Variants in DNAJC16 observed in about 807,000 individuals in gnomAD.
DNAJC16 encodes DnaJ heat shock protein family (Hsp40) member C16.
A neutral mutation model predicts 92.7 loss-of-function variants in DNAJC16; 76 were observed. The ratio of observed to expected loss-of-function variants is 0.82; its 90% CI spans 0.68 to 0.99. The LOEUF is 0.99. Ranked by LOEUF, DNAJC16 falls within the 50% of genes least tolerant of loss-of-function variation. The pLI is 0.00. For missense variants in DNAJC16, 869 were observed against 942.4 expected (o/e 0.92, Z 1.02); for synonymous variants, 328 against 358.7 (o/e 0.91, Z 0.97).
Position 15,567,873 on chromosome 1 carries a change from CA to C in DNAJC16, c.2048del (p.Asn683ThrfsTer19). On this transcript the variant is annotated frameshift_variant, in exon 15 of 15. Transcript: ENST00000375847. LOFTEE classifies it high-confidence loss of function. ...LEFAQDAAPI[P>X]NQYDKHFMER... ...TTTGCTCAAGATGCAGCTCCAATCC[CA>C]AACCAATATGATAAGCATTTCATGG... The C allele has an allele frequency of 6.2e-7, 1 of 1,614,216 alleles. No individual in the cohort carries two copies. The highest frequency in any genetic ancestry group is 8.5e-7 in the Non-Finnish European group (1 of 1,180,040).
intron 9 of DNAJC16, among the ~76,000 whole-genome samples, chr1:15,563,663 TAAAAAAAAAAAA>T (rs57751838): frequency 1.1e-4 from 6 of 53,212 alleles, no homozygotes; most frequent in South Asian, 1.4e-3. Flanking sequence ...CCATCTCTAC[TAAAAAAAAAAAA>T]AAAAAAAAAA....
intron 4 of DNAJC16, among the ~76,000 whole-genome samples, chr1:15,541,241 A>G (rs942315360): frequency 5.3e-5 from 8 of 152,078 alleles, no homozygotes; most frequent in South Asian, 2.1e-4. Flanking sequence ...CGAATGACCA[A>G]ATCTCCCAAT....
chr1:15,528,180 C>G (rs1710565226), intron 1 of DNAJC16, among the ~76,000 whole-genome samples: 2 of 152,240 alleles, frequency 1.3e-5, no homozygotes, highest in Non-Finnish European at 2.9e-5. Flanking sequence ...CGCCTGTAAT[C>G]CCAACACTTT....
At chr1:15,547,874 C>T (rs1363505825) in intron 6 of DNAJC16, among the ~76,000 whole-genome samples, 1 of 152,086 alleles carries the variant, frequency 6.6e-6, no homozygotes, top group African/African-American at 2.4e-5. Flanking sequence ...TCCCCCACTA[C>T]ACTCCCAGCC....
chr1:15,527,144 C>T (rs552365236), intron 1 of DNAJC16, among the ~76,000 whole-genome samples, 186 bp downstream of exon 1: 15 of 152,252 alleles, frequency 9.9e-5, no homozygotes, highest in Non-Finnish European at 1.2e-4. Flanking sequence ...TGCAGGGTTG[C>T]GACCTCCGGC....
chr1:15,535,088 T>C (rs981439415), intron 3 of DNAJC16, among the ~76,000 whole-genome samples: 19 of 152,344 alleles, frequency 1.2e-4, no homozygotes, highest in Admixed American at 1.0e-3. Context: ...GCTCATAGAA[T>C]AACACGTCAT....
chr1:15,548,372 G>A lies in DNAJC16; in HGVS notation c.967G>A (p.Ala323Thr), dbSNP rs1200721189. ...MTRRYNINIY[A>T]PTLLVFKEHI... ...AAGGCGGTACAACATCAATATCTACGCCCCTACCCTCTTGGTCTTTAAAGA... is the reference window on the plus strand; with the variant it reads ...AAGGCGGTACAACATCAATATCTACACCCCTACCCTCTTGGTCTTTAAAGA... Residue 323 changes from alanine to threonine, a missense_variant, in exon 7 of 15, where the codon GCC becomes ACC. By Grantham distance (58) the Ala-to-Thr change is moderately conservative. Coordinates refer to ENST00000375847, the MANE Select transcript of DNAJC16 (RefSeq NM_015291.4). 5.0e-6 allele frequency: 8 copies of A among 1,614,086 alleles called. No homozygotes were observed. Among genetic ancestry groups the A allele is most frequent in the Non-Finnish European group, 5.9e-6 (7 of 1,179,990 alleles).
At chr1:15,549,985 AG>A (rs1638407699) in intron 7 of DNAJC16, among the ~76,000 whole-genome samples, 1 of 152,170 alleles carries the variant, frequency 6.6e-6, no homozygotes, top group Admixed American at 6.5e-5. Context: ...AAAAAAACAT[AG>A]TTTGTATAGA....
intron 5 of DNAJC16, 88 bp from the exon 6 acceptor site, chr1:15,546,679 A>T: frequency 1.9e-6 from 2 of 1,043,558 alleles, no homozygotes; most frequent in Non-Finnish European, 2.8e-6. Flanking sequence ...TTTTACACTT[A>T]CTTGATTTGT....
At position 15,544,412 on chromosome 1, in the gene DNAJC16, C is replaced by T. The variant is rs1557576541; in HGVS notation, c.588C>T (p.Gly196=). 3.7e-6 allele frequency: 6 copies of T among 1,612,016 alleles called. No individual in the cohort carries two copies. Among genetic ancestry groups the T allele is most frequent in the Non-Finnish European group, 5.1e-6 (6 of 1,178,790 alleles). The change falls in exon 5 of 15, where the codon GGC becomes GGT. Residue 196 remains glycine, a synonymous_variant. Coordinates refer to ENST00000375847, the MANE Select transcript of DNAJC16 (RefSeq NM_015291.4). ...QELEELGVGI[G]VVHAGYERRL... ...CATTCTTTTCAGGTGTAGGAATTGGCGTGGTCCATGCTGGGTATGAGAGAC... is the reference window on the plus strand; with the variant it reads ...CATTCTTTTCAGGTGTAGGAATTGGTGTGGTCCATGCTGGGTATGAGAGAC...
rs746548524 is a variant in DNAJC16, at chr1:15,564,345, T to G, written c.1584T>G (p.Ile528Met). 6.2e-7 allele frequency: 1 copy of G among 1,604,334 alleles called. No homozygotes were observed. The highest frequency in any genetic ancestry group is 8.5e-7 in the Non-Finnish European group (1 of 1,171,004). The change falls in exon 11 of 15, where the codon ATT (isoleucine) becomes ATG (methionine). Residue 528 changes from isoleucine to methionine, a missense_variant. Transcript: ENST00000375847. ...SDYISDCWDSIFHNNWREMMP... is the reference protein window; with the variant it reads ...SDYISDCWDSMFHNNWREMMP... ...ACATCTCAGACTGCTGGGATAGCAT[T>G]TTTCACAACAACTGGTAGGGATATT...
intron 6 of DNAJC16, 131 bp from the exon 7 acceptor site, chr1:15,548,139 C>CG: frequency 1.3e-6 from 1 of 750,502 alleles, no homozygotes; most frequent in Non-Finnish European, 2.1e-6. Context: ...TACAAGGATA[C>CG]GGAAGACCTA....
intron 7 of DNAJC16, among the ~76,000 whole-genome samples, chr1:15,555,230 GA>G (rs987393558): frequency 1.7e-4 from 25 of 143,376 alleles, no homozygotes; most frequent in Middle Eastern, 3.6e-3. Context: ...CAAAAAAAAA[GA>G]AAAAAAAAAG....
Position 15,567,925 on chromosome 1 carries a change from G to A in DNAJC16, c.2097G>A (p.Leu699=). ...AGCGTGACTACACTGGTTATGTACTGGCTCTGAATGGCCACAAGAAATACT... is the reference window on the plus strand; with the variant it reads ...AGCGTGACTACACTGGTTATGTACTAGCTCTGAATGGCCACAAGAAATACT... The part of the protein sequence containing the change: ...FMERDYTGYV[L]ALNGHKKYFC... Residue 699 remains leucine, a synonymous_variant, in exon 15 of 15, where the codon CTG becomes CTA. Transcript: ENST00000375847. 6.2e-7 allele frequency: 1 copy of A among 1,614,184 alleles called. No individual in the cohort carries two copies. The highest frequency in any genetic ancestry group is 1.1e-5 in the South Asian group (1 of 91,080).
At chr1:15,552,802 C>G (rs1424527977) in intron 7 of DNAJC16, among the ~76,000 whole-genome samples, 10 of 146,346 alleles carry the variant, frequency 6.8e-5, no homozygotes, top group Non-Finnish European at 1.3e-4. Context: ...CAGTCTTGCT[C>G]TGTCTCTAAG....
rs756910133 is a variant in DNAJC16 at position 15,567,108 on chromosome 1, TA to T, written c.1794del (p.Gly599AlafsTer5). 4 of 1,607,098 alleles carry T rather than the reference TA, an allele frequency of 2.5e-6. No individual in the cohort carries two copies. Among genetic ancestry groups the T allele is most frequent in the Non-Finnish European group, 3.4e-6 (4 of 1,174,080 alleles). On this transcript the variant is annotated frameshift_variant, in exon 14 of 15. Transcript: ENST00000375847. LOFTEE classifies it high-confidence loss of function. Reference sequence around the variant, plus strand: ...CAATATTTCTCCACAGCAAGATTCCTAAAAAAGGCTTTGTGGAGGTAACTGA... The same window carrying T: ...CAATATTTCTCCACAGCAAGATTCCTAAAAAGGCTTTGTGGAGGTAACTGA... ...FTKENSSKIP[K>X]KGFVEVTELT...
chr1:15,531,039 G>T (rs1710646959), intron 2 of DNAJC16, among the ~76,000 whole-genome samples: 2 of 152,200 alleles, frequency 1.3e-5, no homozygotes. Flanking sequence ...TGGTAAATCT[G>T]TGGTACCTCT....
chr1:15,561,108 C>CTT (rs1009666149), intron 8 of DNAJC16, among the ~76,000 whole-genome samples: 6 of 141,534 alleles, frequency 4.2e-5, no homozygotes, highest in African/African-American at 7.8e-5. Flanking sequence ...CCCTTTTCAT[C>CTT]TTTTTTTTTT....
chr1:15,548,678 T>G (rs963266157), intron 7 of DNAJC16, among the ~76,000 whole-genome samples: 2 of 152,010 alleles, frequency 1.3e-5, no homozygotes, highest in African/African-American at 4.8e-5. Context: ...CAAAATGAAT[T>G]TAAAAGTTAA....
Sources: allele counts gnomAD v4.1 joint callset (sites outside exome capture counted in the v4.1 genomes callset), GRCh38; gene constraint gnomAD v4.1.1; transcripts MANE v1.5; gene names NCBI Gene and HGNC (gene_info 2026-07-23, HGNC 2026-07-21).